SCN3B: variants seen among roughly 807,000 people sequenced by gnomAD.
SCN3B encodes the protein sodium channel regulatory subunit beta-3.
A neutral mutation model predicts 25.4 loss-of-function variants in SCN3B; 11 were observed. The ratio of observed to expected loss-of-function variants is 0.43; its 90% CI spans 0.27 to 0.72. The LOEUF is 0.72. SCN3B is among the 30% of genes least tolerant of loss of function. The pLI is 0.18. For synonymous variants in SCN3B, 109 were observed against 110.7 expected, an observed-to-expected ratio of 0.99 and a Z score of 0.09; for missense variants, 218 against 278.3, an observed-to-expected ratio of 0.78 and a Z score of 1.54.
chr11:123,639,061 C>T (rs554093549), intron 4 of SCN3B: 1 of 154,192 alleles, frequency 6.5e-6, no homozygotes, highest in African/African-American at 2.4e-5. Flanking sequence ...ATGCTCCACA[C>T]TCCCCTTAGG....
At chr11:123,644,613 A>C (rs1472163642) in intron 3 of SCN3B, among the ~76,000 whole-genome samples, 3 of 151,892 alleles carry the variant, frequency 2.0e-5, no homozygotes, top group Non-Finnish European at 4.4e-5. Context: ...CTCTACTAAA[A>C]ATACCAAAAT....
Position 123,633,861 on chromosome 11 carries a change from G to A in SCN3B, c.*23-85C>T, listed in dbSNP as rs1955697684. 9.6e-6 allele frequency: 4 copies of A among 417,606 alleles called. No homozygotes were observed. The Admixed American group carries it at 1.1e-4, about 11-fold the overall frequency. 25.9% of individuals were successfully genotyped at this position (417,606 alleles called of 1,614,324 possible). A position where few individuals can be genotyped will look rare whatever the true frequency, so the allele number is the denominator to read the frequency against. ...AAAAATTCTTTGACCAAAGAAGGGAGTTGGAGAATCCTGTGCCTCTGTTAC... is the reference window on the plus strand; with the variant it reads ...AAAAATTCTTTGACCAAAGAAGGGAATTGGAGAATCCTGTGCCTCTGTTAC... On this transcript the variant is annotated intron_variant, in intron 6 of 6. Transcript: ENST00000299333.
At chr11:123,646,643 G>C (rs1185870350) in intron 2 of SCN3B, among the ~76,000 whole-genome samples, 1 of 152,198 alleles carries the variant, frequency 6.6e-6, no homozygotes, top group African/African-American at 2.4e-5. Context: ...AGAGGTCTAA[G>C]ACTTAGTGTT....
At chr11:123,644,505 C>T (rs1565496635) in intron 3 of SCN3B, among the ~76,000 whole-genome samples, 1 of 152,110 alleles carries the variant, frequency 6.6e-6, no homozygotes, top group Non-Finnish European at 1.5e-5. Flanking sequence ...GGCACGGTGG[C>T]TCACACCTGG....
intron 3 of SCN3B, among the ~76,000 whole-genome samples, chr11:123,645,386 T>A (rs1955842979): frequency 6.6e-6 from 1 of 152,116 alleles, no homozygotes; most frequent in South Asian, 2.1e-4. Flanking sequence ...TAATCAAGGG[T>A]GCTTGCAGCT....
In SCN3B at chr11:123,642,817, G is replaced by A; in HGVS notation, c.220-146C>T. Reference sequence around the variant, plus strand: ...ACAATGCCACCGGGAGACCCAGAATGTGGGGGTGGGATGAAGAGGCACAGA... The same window carrying A: ...ACAATGCCACCGGGAGACCCAGAATATGGGGGTGGGATGAAGAGGCACAGA... On this transcript the variant is annotated intron_variant, in intron 3 of 6. Coordinates refer to ENST00000299333, the MANE Select transcript of SCN3B (RefSeq NM_001040151.2). This position sits in a 1 kb window ranked among gnomAD's most constrained non-coding sequence, Gnocchi z 4.3. 1.4e-6 allele frequency: 1 copy of A among 718,162 alleles called. No homozygotes were observed. Among genetic ancestry groups the A allele is most frequent in the Non-Finnish European group, 2.5e-6 (1 of 401,892 alleles). 44.5% of individuals were successfully genotyped at this position (718,162 alleles called of 1,614,324 possible).
intron 4 of SCN3B, chr11:123,639,379 T>G (rs897067505): frequency 4.6e-5 from 7 of 151,980 alleles, no homozygotes; most frequent in African/African-American, 1.7e-4. Context: ...CACTTTTCTT[T>G]TCTCTTTTTT....
rs541564460 is a variant in SCN3B at position 123,635,546 on chromosome 11, C to T, written c.585-1340G>A. Among the ~76,000 whole-genome samples, 25 of 152,000 alleles carry T rather than the reference C, an allele frequency of 1.6e-4. No homozygotes were observed. In the East Asian group the frequency reaches 2.7e-3, roughly 17 times the overall value. ...AAAAAAATACAAAAAATTAGCCAGG[C>T]GTGGTGGCAGGTGCCTGTAGTCCCA... On this transcript the variant is annotated intron_variant, in intron 5 of 6. Coordinates refer to ENST00000299333, the MANE Select transcript of SCN3B (RefSeq NM_001040151.2).
At chr11:123,638,129 G>C in intron 5 of SCN3B, 57 bp downstream of exon 5, 2 of 1,601,350 alleles carry the variant, frequency 1.2e-6, no homozygotes, top group Non-Finnish European at 1.7e-6. Context: ...TCACCTGTGA[G>C]AGCAAGCATT....
intron 4 of SCN3B, 152 bp from the exon 5 acceptor site, chr11:123,638,476 A>T: frequency 9.5e-7 from 1 of 1,052,888 alleles, no homozygotes. Context: ...TCTCCCGCCC[A>T]TTGGCTTTCT....
chr11:123,647,898 T>C (rs181378736), intron 2 of SCN3B, among the ~76,000 whole-genome samples: 1 of 152,362 alleles, frequency 6.6e-6, no homozygotes, highest in East Asian at 1.9e-4. Flanking sequence ...GAGTCTTATC[T>C]GACAGTCTTC....
chr11:123,642,679 T>A lies in SCN3B; in HGVS notation c.220-8A>T, dbSNP rs1380490296. 4.4e-6 allele frequency: 7 copies of A among 1,608,354 alleles called. No homozygotes were observed. The highest frequency in any genetic ancestry group is 4.3e-6 in the Non-Finnish European group (5 of 1,175,656). On this transcript the variant is annotated splice_region_variant and splice_polypyrimidine_tract_variant and intron_variant, in intron 3 of 6. Transcript: ENST00000299333. The surrounding 1 kb of genome is among the most constrained non-coding windows in gnomAD (Gnocchi z 4.3). ...ATTCCGATACTCGTAAATCTGCAGATAGAGGAGCAGAAGAGGGTAGGGCCA... is the reference window on the plus strand; with the variant it reads ...ATTCCGATACTCGTAAATCTGCAGAAAGAGGAGCAGAAGAGGGTAGGGCCA...
rs147666143 is a variant in SCN3B, at chr11:123,654,217, T to A, written c.-26+9A>T. 7.5e-6 allele frequency: 2 copies of A among 267,274 alleles called. No homozygotes were observed. The highest frequency in any genetic ancestry group is 4.4e-5 in the African/African-American group (2 of 45,500). 16.6% of individuals were successfully genotyped at this position (267,274 alleles called of 1,614,324 possible). A position where few individuals can be genotyped will look rare whatever the true frequency, so the allele number is the denominator to read the frequency against. ...CAGCCAGGCTGTGGAAGGGTCCAGGTTGATTCACCTCTCGCCTCCCCAGGA... is the reference window on the plus strand; with the variant it reads ...CAGCCAGGCTGTGGAAGGGTCCAGGATGATTCACCTCTCGCCTCCCCAGGA... On this transcript the variant is annotated intron_variant, in intron 1 of 6. Coordinates refer to ENST00000299333, the MANE Select transcript of SCN3B (RefSeq NM_001040151.2).
intron 5 of SCN3B, among the ~76,000 whole-genome samples, chr11:123,636,227 T>C (rs1955723490): frequency 6.6e-6 from 1 of 152,230 alleles, no homozygotes; most frequent in Admixed American, 6.5e-5. Flanking sequence ...GTTACTAAAT[T>C]TGTTGCTGGA....
rs1360576161 is a variant in SCN3B at position 123,642,590 on chromosome 11, G to T, written c.301C>A (p.Gln101Lys). The T allele has an allele frequency of 1.9e-5, 31 of 1,614,060 alleles. No homozygotes were observed. The highest frequency in any genetic ancestry group is 2.5e-5 in the Non-Finnish European group (29 of 1,180,020). The change falls in exon 4 of 7, where the codon CAG becomes AAG. Residue 101 changes from glutamine (Q) to lysine (K), a missense_variant. Physicochemically the swap from Gln to Lys is moderately conservative, Grantham distance 53. Transcript: ENST00000299333. This position sits in a 1 kb window ranked among gnomAD's most constrained non-coding sequence, Gnocchi z 4.3. The stretch of plus-strand genomic sequence containing the variant: ...TTGAGCACAGTGATGGACACGTCCT[G>T]CAGGTCCTTGCTGCCATTCCACTGC... ...RLQWNGSKDL[Q>K]DVSITVLNVT... is the part of the protein sequence containing the mutation.
intron 3 of SCN3B, among the ~76,000 whole-genome samples, chr11:123,644,593 A>T (rs1955825524): frequency 6.6e-6 from 1 of 152,018 alleles, no homozygotes; most frequent in African/African-American, 2.4e-5. Context: ...CCAACATGGC[A>T]AAACTCTGTC....
intron 2 of SCN3B, among the ~76,000 whole-genome samples, chr11:123,649,586 GTCTT>G (rs932972239): frequency 2.6e-4 from 39 of 151,772 alleles, no homozygotes; most frequent in Non-Finnish European, 3.5e-4. Flanking sequence ...GCACACCACT[GTCTT>G]TCTTTCTTTC....
chr11:123,645,537 G>C (rs1310291349), intron 3 of SCN3B, 50 bp downstream of exon 3: 7 of 1,600,502 alleles, frequency 4.4e-6, no homozygotes, highest in Non-Finnish European at 6.0e-6. Flanking sequence ...GCCAGGCTGG[G>C]AACAGCAGAG....
chr11:123,651,085 ATTT>A (rs1955919673), intron 2 of SCN3B, among the ~76,000 whole-genome samples: 1 of 151,276 alleles, frequency 6.6e-6, no homozygotes, highest in Admixed American at 6.6e-5. Context: ...AATTATTATT[ATTT>A]TATTGTATTA....
Sources: allele counts gnomAD v4.1 joint callset (sites outside exome capture counted in the v4.1 genomes callset), GRCh38; gene constraint gnomAD v4.1.1; non-coding constraint Gnocchi (gnomAD v3.1); transcripts MANE v1.5; gene names NCBI Gene and HGNC (gene_info 2026-07-23, HGNC 2026-07-21).